The following SPTBN5 variants were observed in gnomAD, a reference collection of about 807,000 sequenced individuals.
The protein encoded by SPTBN5 is spectrin beta chain, non-erythrocytic 5.
SPTBN5 carries 513 observed loss-of-function variants against 477.6 expected under a neutral mutation model. That is an observed-to-expected ratio of 1.07 (90% confidence interval 1.00 to 1.16). SPTBN5 has a LOEUF of 1.16. Ranked by LOEUF, SPTBN5 falls within the 50% of genes most tolerant of loss-of-function variation. SPTBN5 has a pLI of 0.00. For missense variants in SPTBN5, 5,062 were observed against 4,731.8 expected, an observed-to-expected ratio of 1.07 and a Z score of -2.05; for synonymous variants, 2,169 against 2,011.7, an observed-to-expected ratio of 1.08 and a Z score of -2.09.
chr15:41,874,099 C>T, intron 24 of SPTBN5, 54 bp from the exon 25 acceptor site: 2 of 1,541,404 alleles, frequency 1.3e-6, no homozygotes. Flanking sequence ...GCGTCCGGAG[C>T]AGAGCCATGG....
chr15:41,849,734 A>G (rs1370270874), intron 67 of SPTBN5, 135 bp downstream of exon 67: 2 of 680,264 alleles, frequency 2.9e-6, no homozygotes, highest in South Asian at 1.8e-5. Flanking sequence ...GGGGCAGCTG[A>G]GGGTTCCAAT....
chr15:41,851,267 CTACCCCGCCTGG>C lies in SPTBN5; in HGVS notation c.10743+4_10743+15del. The C allele has an allele frequency of 6.4e-7, 1 of 1,551,572 alleles. No homozygotes were observed. Among genetic ancestry groups the C allele is most frequent in the Non-Finnish European group, 8.7e-7 (1 of 1,147,158 alleles). ...CAGCACCCTGATGTCTGCATCTCCC[CTACCCCGCCTGG>C]TACCTCCGCTGCCATCCTCTCATCC... On this transcript the variant is annotated splice_donor_5th_base_variant and intron_variant, in intron 64 of 67. Transcript: ENST00000320955.
At chr15:41,893,592 C>T in intron 1 of SPTBN5, 46 bp from the exon 2 acceptor site, 1 of 1,490,320 alleles carries the variant, frequency 6.7e-7, no homozygotes, top group Non-Finnish European at 8.9e-7. Flanking sequence ...GAGATGGCCC[C>T]TCTACCAGGG....
intron 32 of SPTBN5, among the ~76,000 whole-genome samples, chr15:41,868,866 C>T (rs1447323127): frequency 6.6e-6 from 1 of 152,232 alleles, no homozygotes; most frequent in East Asian, 1.9e-4. Flanking sequence ...CCTGCCTTCC[C>T]ATCTCTACAG....
At position 41,850,951 on chromosome 15, in the gene SPTBN5, A is replaced by G; in HGVS notation, c.10836-12T>C. ...CCCCACTGGTCAGCCTGGCACCCAC[A>G]GTCACAGGTCAAACTCCACTGTCCC... On this transcript the variant is annotated splice_polypyrimidine_tract_variant and intron_variant, in intron 65 of 67. Transcript: ENST00000320955. 1 of 1,597,698 alleles carries G rather than the reference A, an allele frequency of 6.3e-7. No homozygotes were observed. The highest frequency in any genetic ancestry group is 8.5e-7 in the Non-Finnish European group (1 of 1,172,784).
Position 41,874,409 on chromosome 15 carries a change from C to T in SPTBN5, c.4572G>A (p.Gln1524=). 1.2e-6 allele frequency: 2 copies of T among 1,613,664 alleles called. No homozygotes were observed. Among genetic ancestry groups the T allele is most frequent in the Non-Finnish European group, 1.7e-6 (2 of 1,179,860 alleles). Residue 1524 remains glutamine, a synonymous_variant, in exon 24 of 68, where the codon CAG becomes CAA. Coordinates refer to ENST00000320955, the MANE Select transcript of SPTBN5 (RefSeq NM_016642.4). ...GCTCCATGTTGCTCAGGTGGCAGAA[C>T]TGGTGCAGCTCCACTGAGGCCTGCA... The part of the protein sequence containing the change: ...LQLQASVELH[Q]FCHLSNMELS...
In SPTBN5 at chr15:41,882,060, G is replaced by T. The variant is rs892621804; in HGVS notation, c.2333C>A (p.Ala778Glu). The T allele has an allele frequency of 2.1e-5, 33 of 1,563,140 alleles. No individual in the cohort carries two copies. Among genetic ancestry groups the T allele is most frequent in the Non-Finnish European group, 2.7e-5 (32 of 1,166,238 alleles). ...GCGCCTCAGCAGGGTCTCGGCGGCC[G>T]CCTGGTCCTGACCGCAGGACGCTCT... ...LERASCGQDQ[A>E]AAETLLRRHV... The change falls in exon 12 of 68, where the codon GCG becomes GAG. Residue 778 changes from alanine to glutamate, a missense_variant. Transcript: ENST00000320955.
intron 4 of SPTBN5, among the ~76,000 whole-genome samples, chr15:41,889,507 T>A (rs1432095792): frequency 2.0e-5 from 3 of 148,414 alleles, no homozygotes; most frequent in Non-Finnish European, 4.5e-5. Context: ...ACCCTCAGCA[T>A]CCTGGGCTCA....
At position 41,854,914 on chromosome 15, in the gene SPTBN5, C is replaced by T. The variant is rs1361695193; in HGVS notation, c.9486G>A (p.Val3162=). ...TGCCTGCCAACTTCCTCAGGGCATACACCTTGGCCTGGCCCAGGCTCTGCA... is the reference window on the plus strand; with the variant it reads ...TGCCTGCCAACTTCCTCAGGGCATATACCTTGGCCTGGCCCAGGCTCTGCA... ...KEVQSLGQAK[V]YALRKLAGTL... is the part of the protein sequence containing the mutation. The change falls in exon 56 of 68, where the codon GTG becomes GTA. Residue 3162 remains valine (V), a synonymous_variant. Coordinates refer to ENST00000320955, the MANE Select transcript of SPTBN5 (RefSeq NM_016642.4). 1.3e-6 allele frequency: 2 copies of T among 1,598,472 alleles called. No homozygotes were observed. Among genetic ancestry groups the T allele is most frequent in the East Asian group, 2.2e-5 (1 of 44,582 alleles).
In SPTBN5 at chr15:41,869,821, CA is replaced by C; in HGVS notation, c.5853+19del. ...CACACACATGCACACACACACCACC[CA>C]AAGGGCAGGAGCCCTCACCGCCGTG... is the stretch of plus-strand genomic sequence containing the variant. On this transcript the variant is annotated intron_variant, in intron 32 of 67. Coordinates refer to ENST00000320955, the MANE Select transcript of SPTBN5 (RefSeq NM_016642.4). The C allele has an allele frequency of 6.5e-7, 1 of 1,537,132 alleles. No individual in the cohort carries two copies. Among genetic ancestry groups the C allele is most frequent in the Non-Finnish European group, 8.7e-7 (1 of 1,154,012 alleles).
At position 41,866,961 on chromosome 15, in the gene SPTBN5, G is replaced by T; in HGVS notation, c.6478C>A (p.Gln2160Lys). ...CTGGGCTGGGGGTGCCCTCTGACCT[G>T]GGTTGCGGCCTGGGTGAAGCTGGCC... ...LMASFTQAATQAEDWIQAWAQ... is the reference protein window; with the variant it reads ...LMASFTQAATKAEDWIQAWAQ... The change falls in exon 36 of 68, where the codon CAG (glutamine) becomes AAG (lysine). Residue 2160 changes from glutamine (Q) to lysine (K), a missense_variant and splice_region_variant. Transcript: ENST00000320955. The T allele has an allele frequency of 6.4e-7, 1 of 1,574,664 alleles. No individual in the cohort carries two copies. The highest frequency in any genetic ancestry group is 8.6e-7 in the Non-Finnish European group (1 of 1,160,676).
intron 42 of SPTBN5, 52 bp downstream of exon 42, chr15:41,862,738 A>T: frequency 6.5e-7 from 1 of 1,544,440 alleles, no homozygotes; most frequent in African/African-American, 1.4e-5. Context: ...ACTTGTGCCC[A>T]GGGTCCTACT....
rs769953058 is a variant in SPTBN5 at position 41,854,834 on chromosome 15, C to T, written c.9566G>A (p.Arg3189His). The T allele has an allele frequency of 3.2e-5, 51 of 1,593,432 alleles. No individual in the cohort carries two copies. The highest frequency in any genetic ancestry group is 3.2e-4 in the East Asian group (14 of 44,332). Residue 3189 changes from arginine (R) to histidine (H), a missense_variant, in exon 56 of 68, where the codon CGC (arginine) becomes CAC (histidine). Transcript: ENST00000320955. ...CAACCTCTCCCAAGCAGCCTCAATG[C>T]GGCTCCTCTGGGCTTGGATGTGGGG... ...RYPHIQAQRS[R>H]IEAAWERLDQ... is the part of the protein sequence containing the mutation.
Position 41,893,408 on chromosome 15 carries a change from G to C in SPTBN5, c.90C>G (p.Pro30=), listed in dbSNP as rs1426768410. The change falls in exon 2 of 68, where the codon CCC becomes CCG. Residue 30 remains proline, a synonymous_variant. Coordinates refer to ENST00000320955, the MANE Select transcript of SPTBN5 (RefSeq NM_016642.4). ...RRPSTELRVP[P]SPSLTMDSQY... The stretch of plus-strand genomic sequence containing the variant: ...GAGAGTCCATGGTGAGACTTGGACT[G>C]GGCGGGACCCGGAGTTCTGTGCTGG... The C allele has an allele frequency of 6.2e-7, 1 of 1,613,578 alleles. No individual in the cohort carries two copies. Among genetic ancestry groups the C allele is most frequent in the South Asian group, 1.1e-5 (1 of 91,070 alleles).
At chr15:41,850,479 A>G (rs1595434963) in intron 66 of SPTBN5, 1 of 254,250 alleles carries the variant, frequency 3.9e-6, no homozygotes, top group Non-Finnish European at 7.6e-6. Context: ...TCTGAGGACT[A>G]GAAGGTTAGA....
In SPTBN5 at chr15:41,878,397, G is replaced by A. The variant is rs368076304; in HGVS notation, c.3415C>T (p.Arg1139Trp). 14 of 1,613,562 alleles carry A rather than the reference G, an allele frequency of 8.7e-6. No homozygotes were observed. Among genetic ancestry groups the A allele is most frequent in the Admixed American group, 6.7e-5 (4 of 59,992 alleles). ...EVSVDVASAQ[R>W]LLREHQDLLE... ...AGGTCTTGGTGCTCCCTCAGCAGCC[G>A]CTGAGCCGAGGCCACATCCACTGAC... The change falls in exon 17 of 68, where the codon CGG becomes TGG. Residue 1139 changes from arginine to tryptophan, a missense_variant. Coordinates refer to ENST00000320955, the MANE Select transcript of SPTBN5 (RefSeq NM_016642.4).
At chr15:41,863,327 G>A (rs2066182036) in intron 41 of SPTBN5, among the ~76,000 whole-genome samples, 3 of 152,214 alleles carry the variant, frequency 2.0e-5, no homozygotes, top group Admixed American at 1.3e-4. Context: ...CCAGATTCCA[G>A]CCCGGGGCTC....
chr15:41,892,932 C>T lies in SPTBN5; in HGVS notation c.346G>A (p.Glu116Lys). 6.2e-7 allele frequency: 1 copy of T among 1,607,636 alleles called. No homozygotes were observed. The highest frequency in any genetic ancestry group is 1.1e-5 in the South Asian group (1 of 91,016). ...SRGRLRVHFL[E>K]NSSRALAFLR... ...AAGGCCAGAGCTCGGCTGCTGTTCT[C>T]CAGGAAGTGCACACGCAGGCGGCCC... Residue 116 changes from glutamate to lysine, a missense_variant, in exon 3 of 68, where the codon GAG (glutamate) becomes AAG (lysine). Physicochemically the swap from Glu to Lys is moderately conservative, Grantham distance 56. Transcript: ENST00000320955.
intron 27 of SPTBN5, 45 bp from the exon 28 acceptor site, chr15:41,871,962 C>T (rs1411242713): frequency 1.3e-6 from 2 of 1,482,188 alleles, no homozygotes; most frequent in Non-Finnish European, 1.8e-6. Context: ...TTGCCCACCC[C>T]CCTGGGGGCC....
Sources: gnomAD v4.1 joint callset for allele counts (sites outside exome capture counted in the v4.1 genomes callset) on GRCh38, gnomAD v4.1.1 for gene constraint, MANE v1.5 for transcripts, NCBI Gene and HGNC (gene_info 2026-07-23, HGNC 2026-07-21) for gene names.